The following C22orf23 variants were observed in gnomAD, a reference collection of about 807,000 sequenced individuals.
C22orf23 encodes UPF0193 protein EVG1.
C22orf23 carries 30 observed loss-of-function variants against 29.7 expected under a neutral mutation model. The observed-to-expected ratio is 1.01, with a 90% CI of 0.76 to 1.37. The LOEUF (loss-of-function observed/expected upper bound fraction) is 1.37. C22orf23 is among the 40% of genes most tolerant of loss of function. C22orf23 has a pLI of 0.00. For synonymous variants in C22orf23, 90 were observed against 96.1 expected (o/e 0.94, Z 0.37); for missense variants, 237 against 273.1 (o/e 0.87, Z 0.93).
intron 3 of C22orf23, among the ~76,000 whole-genome samples, chr22:37,948,673 T>C (rs1350643914): frequency 6.6e-6 from 1 of 151,222 alleles, no homozygotes; most frequent in Non-Finnish European, 1.5e-5. Context: ...GTACAAGGAG[T>C]CTTCTCTTCT....
intron 3 of C22orf23, 150 bp downstream of exon 3, chr22:37,951,310 C>G: frequency 1.4e-6 from 1 of 690,878 alleles, no homozygotes; most frequent in South Asian, 1.8e-5. Flanking sequence ...CCCACCTCAG[C>G]CTCCCAGTGT....
chr22:37,945,810 TAAAA>T (rs1169265242), intron 4 of C22orf23, among the ~76,000 whole-genome samples: 23 of 80,812 alleles, frequency 2.8e-4, no homozygotes, highest in Non-Finnish European at 7.3e-5. Flanking sequence ...ATCCTATCTC[TAAAA>T]AAAAAAAAAA....
intron 3 of C22orf23, 191 bp downstream of exon 3, chr22:37,951,269 T>C: frequency 1.9e-6 from 1 of 534,236 alleles, no homozygotes; most frequent in Non-Finnish European, 3.3e-6. Flanking sequence ...TTGCCCGGGC[T>C]GGTCTTGAAC....
Position 37,944,055 on chromosome 22 carries a change from G to T in C22orf23, c.*120C>A. 2.2e-6 allele frequency: 2 copies of T among 919,126 alleles called. No homozygotes were observed. Among genetic ancestry groups the T allele is most frequent in the Non-Finnish European group, 3.6e-6 (2 of 555,002 alleles). The allele number at this position is 919,126 out of a possible 1,614,324, so 56.9% of individuals were successfully genotyped here. A position where few individuals can be genotyped will look rare whatever the true frequency, so the allele number is the denominator to read the frequency against. Reference sequence around the variant, plus strand: ...TTGGGGTACTGCAGGGCAGTGCTATGCCACCACCTGACGTGGCAGAAGGCT... The same window carrying T: ...TTGGGGTACTGCAGGGCAGTGCTATTCCACCACCTGACGTGGCAGAAGGCT... On this transcript the variant is annotated 3_prime_UTR_variant, in exon 7 of 7. Transcript: ENST00000403305.
intron 4 of C22orf23, among the ~76,000 whole-genome samples, chr22:37,945,895 T>C (rs1251953784): frequency 4.9e-5 from 7 of 143,496 alleles, no homozygotes; most frequent in Admixed American, 4.9e-4. Context: ...AGGCAAATCA[T>C]GAGGTCAGGA....
chr22:37,951,273 C>A (rs1930997267), intron 3 of C22orf23, 187 bp downstream of exon 3: 1 of 549,846 alleles, frequency 1.8e-6, no homozygotes, highest in East Asian at 3.0e-5. Context: ...CCGGGCTGGT[C>A]TTGAACTCCT....
chr22:37,953,581 G>C lies in C22orf23; in HGVS notation c.-143C>G, dbSNP rs1480780002. The C allele has an allele frequency of 2.3e-5, 14 of 607,018 alleles. No homozygotes were observed. Among genetic ancestry groups the C allele is most frequent in the Non-Finnish European group, 3.9e-5 (14 of 356,992 alleles). 37.6% of individuals were successfully genotyped at this position (607,018 alleles called of 1,614,324 possible). A position where few individuals can be genotyped will look rare whatever the true frequency, so the allele number is the denominator to read the frequency against. On this transcript the variant is annotated 5_prime_UTR_variant, in exon 1 of 7. Coordinates refer to ENST00000403305, the MANE Select transcript of C22orf23 (RefSeq NM_032561.5). ...GCGATCTGGGCTGCTGGAGCTGGCA[G>C]CTAGCGCCTCTCGCTACTATAGAAA... is the stretch of plus-strand genomic sequence containing the variant.
Position 37,951,797 on chromosome 22 carries a change from CTTTTTTTTTTTTTTTTTTTTTTT to C in C22orf23, c.104-298_104-276del, listed in dbSNP as rs551481283. 1.1e-3 allele frequency: 41 copies of C among 38,778 alleles called. No individual in the cohort carries two copies. In the East Asian group the frequency reaches 0.04, roughly 38 times the overall value. The allele number at this position is 38,778 out of a possible 1,614,324, so 2.4% of individuals were successfully genotyped here. A position where few individuals can be genotyped will look rare whatever the true frequency, so the allele number is the denominator to read the frequency against. The stretch of plus-strand genomic sequence containing the variant: ...CTGTTAAATATTTTTTCCTCTTTCT[CTTTTTTTTTTTTTTTTTTTTTTT>C]TTTTTTTTTTTTGAGATGGAGCTTC... On this transcript the variant is annotated intron_variant, in intron 2 of 6. Transcript: ENST00000403305.
chr22:37,948,114 A>T (rs541396347), intron 3 of C22orf23, among the ~76,000 whole-genome samples: 4 of 150,344 alleles, frequency 2.7e-5, no homozygotes, highest in Admixed American at 2.6e-4. Context: ...CTCAAAAAAA[A>T]ATTAATAGAA....
At chr22:37,950,672 C>T (rs9610882) in intron 3 of C22orf23, among the ~76,000 whole-genome samples, 1 of 151,786 alleles carries the variant, frequency 6.6e-6, no homozygotes, top group African/African-American at 2.4e-5. Context: ...TTTGGGAGGC[C>T]GAGGCGGGCA....
chr22:37,951,972 C>T (rs189560959), intron 2 of C22orf23, among the ~76,000 whole-genome samples: 6 of 151,646 alleles, frequency 4.0e-5, no homozygotes, highest in African/African-American at 9.7e-5. Context: ...TGCGCCACCA[C>T]GCCCGGCTAA....
intron 5 of C22orf23, 140 bp downstream of exon 5, chr22:37,944,902 A>T (rs1930603697): frequency 2.6e-6 from 2 of 773,514 alleles, no homozygotes; most frequent in African/African-American, 1.8e-5. Context: ...CTGTCTCAAA[A>T]TAAATAAATA....
chr22:37,945,123 T>A lies in C22orf23; in HGVS notation c.400A>T (p.Lys134Ter). The A allele has an allele frequency of 6.2e-7, 1 of 1,613,740 alleles. No individual in the cohort carries two copies. Among genetic ancestry groups the A allele is most frequent in the Non-Finnish European group, 8.5e-7 (1 of 1,179,898 alleles). ...TTTCTTTTCCGTTCCTCCATGTCCT[T>A]CCCTGTGGCAAAGATATTTTGGAGT... is the stretch of plus-strand genomic sequence containing the variant. ...QRLQNIFATGKDMEERKRKAP... is the reference protein window; with the variant it reads ...QRLQNIFATG Residue 134 changes from lysine (K) to a stop codon, truncating the protein, a stop_gained, in exon 5 of 7, where the codon AAG (lysine) becomes TAG (stop). Transcript: ENST00000403305. LOFTEE classifies it high-confidence loss of function.
At position 37,944,446 on chromosome 22, in the gene C22orf23, G is replaced by C. The variant is rs201945163; in HGVS notation, c.553C>G (p.Arg185Gly). The change falls in exon 6 of 7, where the codon CGA becomes GGA. Residue 185 changes from arginine (R) to glycine (G), a missense_variant. Physicochemically the swap from Arg to Gly is moderately radical, Grantham distance 125. Coordinates refer to ENST00000403305, the MANE Select transcript of C22orf23 (RefSeq NM_032561.5). ...MEALGQGKQY[R>G]GIILAEISQK... ...GAGATTTCAGCAAGGATGATTCCTC[G>C]GTACTGTTTGCCCTGTCCCAGGGCC... is the stretch of plus-strand genomic sequence containing the variant. 2 of 1,613,978 alleles carry C rather than the reference G, an allele frequency of 1.2e-6. No individual in the cohort carries two copies. The highest frequency in any genetic ancestry group is 1.7e-6 in the Non-Finnish European group (2 of 1,180,024).
chr22:37,951,403 T>G, intron 3 of C22orf23, 57 bp downstream of exon 3: 1 of 1,481,030 alleles, frequency 6.8e-7, no homozygotes, highest in South Asian at 1.1e-5. Flanking sequence ...TGGAGAAGCA[T>G]TAAAAGTGTG....
intron 4 of C22orf23, among the ~76,000 whole-genome samples, chr22:37,945,842 G>C (rs946586024): frequency 8.0e-5 from 12 of 149,136 alleles, no homozygotes; most frequent in African/African-American, 2.7e-4. Context: ...GTCCAGGCAC[G>C]GTGGCTCACA....
Position 37,945,043 on chromosome 22 carries a change from C to G in C22orf23, c.480G>C (p.Glu160Asp). Residue 160 changes from glutamate (E) to aspartate (D), a missense_variant and splice_region_variant, in exon 5 of 7, where the codon GAG (glutamate) becomes GAC (aspartate). By Grantham distance (45) the Glu-to-Asp change is conservative (BLOSUM62 2). Transcript: ENST00000403305. The part of the protein sequence containing the change: ...APAPELDRFE[E>D]LVKEIQERKE... ...ATGACTGGTCCGTCGGAGTCTTACG[C>G]TCTTCAAATCGGTCTAGCTCAGGGG... 1 of 1,603,204 alleles carries G rather than the reference C, an allele frequency of 6.2e-7. No individual in the cohort carries two copies. The highest frequency in any genetic ancestry group is 8.5e-7 in the Non-Finnish European group (1 of 1,176,374).
At chr22:37,944,951 C>A (rs1170207543) in intron 5 of C22orf23, 91 bp downstream of exon 5, 6 of 1,323,166 alleles carry the variant, frequency 4.5e-6, no homozygotes, top group Non-Finnish European at 6.2e-6. Context: ...GGCCCTTGGC[C>A]CTCAGGGATC....
intron 3 of C22orf23, among the ~76,000 whole-genome samples, chr22:37,949,456 T>G (rs915719072): frequency 2.2e-4 from 30 of 134,508 alleles, no homozygotes; most frequent in African/African-American, 9.7e-4. Flanking sequence ...CTAATTTTTT[T>G]TTTTTTTTTT....
Sources: allele counts gnomAD v4.1 joint callset (sites outside exome capture counted in the v4.1 genomes callset), GRCh38; gene constraint gnomAD v4.1.1; transcripts MANE v1.5; gene names NCBI Gene and HGNC (gene_info 2026-07-23, HGNC 2026-07-21).